Variants in CST2 observed in about 807,000 individuals in gnomAD.
CST2 encodes cystatin SA.
In CST2, 26 loss-of-function variants were observed where a neutral mutation model predicts 13.4. The observed-to-expected ratio is 1.95, with a 90% CI of 1.43 to 2.70. The LOEUF is 2.70. CST2 is among the 30% of genes most tolerant of loss of function. The probability of loss-of-function intolerance (pLI) is 0.00; values close to 1 mark genes in which losing one functional copy is unlikely to be tolerated. For missense variants in CST2, 243 were observed against 173.4 expected, an observed-to-expected ratio of 1.40 and a Z score of -2.25; for synonymous variants, 105 against 71.1, an observed-to-expected ratio of 1.48 and a Z score of -2.40.
rs1466376029 is a variant in CST2 at position 23,826,594 on chromosome 20, G to A, written c.67C>T (p.Pro23Ser). The change falls in exon 1 of 3, where the codon CCC becomes TCC. Residue 23 changes from proline to serine, a missense_variant. Pro to Ser is a moderately conservative substitution (Grantham distance 74, BLOSUM62 -1). Coordinates refer to ENST00000304725, the MANE Select transcript of CST2 (RefSeq NM_001322.3). Reference protein sequence around the residue: ...ATQAVALAWSPQEEDRIIEGG... With the variant: ...ATQAVALAWSSQEEDRIIEGG... ...TCGATTATCCTGTCCTCCTCCTGGG[G>A]GCTCCAGGCCAGGGCCACAGCCTGG... 4 of 1,613,582 alleles carry A rather than the reference G, an allele frequency of 2.5e-6. No homozygotes were observed. Among genetic ancestry groups the A allele is most frequent in the Non-Finnish European group, 2.5e-6 (3 of 1,179,928 alleles).
chr20:23,824,554 C>A (rs904256406), intron 2 of CST2, among the ~76,000 whole-genome samples: 16 of 152,118 alleles, frequency 1.1e-4, no homozygotes, highest in African/African-American at 3.6e-4. Context: ...TGTGGCTCTC[C>A]CCTGAGTGGA....
intron 2 of CST2, 119 bp from the exon 3 acceptor site, chr20:23,824,222 C>A: frequency 2.1e-6 from 2 of 973,968 alleles, no homozygotes; most frequent in Non-Finnish European, 1.6e-6. Flanking sequence ...GGGCCCTCAC[C>A]CACCCCTGCT....
intron 2 of CST2, among the ~76,000 whole-genome samples, chr20:23,824,342 C>T (rs1367122556): frequency 6.6e-6 from 1 of 152,158 alleles, no homozygotes. Context: ...AGTGTCCTGT[C>T]CCAGCACAGC....
chr20:23,826,489 C>T lies in CST2; in HGVS notation c.172G>A (p.Ala58Thr), dbSNP rs1441328691. The part of the protein sequence containing the change: ...LHFVISEYNK[A>T]TEDEYYRRLL... The stretch of plus-strand genomic sequence containing the variant: ...CGTCTGTAGTACTCATCTTCAGTGG[C>T]CTTGTTATACTCGCTGATGACAAAG... Residue 58 changes from alanine (A) to threonine (T), a missense_variant, in exon 1 of 3, where the codon GCC becomes ACC. Ala to Thr is a moderately conservative substitution (Grantham distance 58). Transcript: ENST00000304725. 4.3e-6 allele frequency: 7 copies of T among 1,614,046 alleles called. No individual in the cohort carries two copies. Among genetic ancestry groups the T allele is most frequent in the Admixed American group, 1.7e-5 (1 of 60,012 alleles).
Position 23,826,451 on chromosome 20 carries a change from C to T in CST2, c.210G>A (p.Val70=), listed in dbSNP as rs1296187556. Residue 70 remains valine (V), a synonymous_variant, in exon 1 of 3, where the codon GTG becomes GTA. Coordinates refer to ENST00000304725, the MANE Select transcript of CST2 (RefSeq NM_001322.3). ...EDEYYRRLLR[V]LRAREQIVGG... ...CACCCACCTGCTCCCTGGCTCGTAG[C>T]ACCCGCAGCAGGCGTCTGTAGTACT... 6.2e-6 allele frequency: 10 copies of T among 1,614,106 alleles called. No individual in the cohort carries two copies. Among genetic ancestry groups the T allele is most frequent in the Non-Finnish European group, 8.5e-6 (10 of 1,179,948 alleles).
chr20:23,823,801 G>GGT lies in CST2; in HGVS notation c.*217_*218dup. 1.8e-6 allele frequency: 1 copy of GGT among 567,216 alleles called. No individual in the cohort carries two copies. Among genetic ancestry groups the GGT allele is most frequent in the South Asian group, 2.2e-5 (1 of 44,618 alleles). The allele number at this position is 567,216 out of a possible 1,614,324, so 35.1% of individuals were successfully genotyped here. A position where few individuals can be genotyped will look rare whatever the true frequency, so the allele number is the denominator to read the frequency against. ...CTACTGTTTAATTGCAGGAGGTGGG[G>GGT]GTGTGTGTACCATGTACCAGGGCTA... On this transcript the variant is annotated 3_prime_UTR_variant, in exon 3 of 3. Transcript: ENST00000304725.
rs927784272 is a variant in CST2, at chr20:23,826,707, G to T, written c.-47C>A. 8.6e-6 allele frequency: 13 copies of T among 1,517,074 alleles called. No homozygotes were observed. The highest frequency in any genetic ancestry group is 1.2e-5 in the Non-Finnish European group (13 of 1,127,466). 94.0% of individuals were successfully genotyped at this position (1,517,074 alleles called of 1,614,324 possible). On this transcript the variant is annotated 5_prime_UTR_variant, in exon 1 of 3. Transcript: ENST00000304725. ...CAGAGCTGGAGCTGCAGGAGAGGAG[G>T]TTGAGAGCCTGAGGCGGGGATCCCA... is the stretch of plus-strand genomic sequence containing the variant.
Position 23,823,806 on chromosome 20 carries a change from G to C in CST2, c.*214C>G, listed in dbSNP as rs1052885223. On this transcript the variant is annotated 3_prime_UTR_variant, in exon 3 of 3. Coordinates refer to ENST00000304725, the MANE Select transcript of CST2 (RefSeq NM_001322.3). ...GTTTAATTGCAGGAGGTGGGGGTGT[G>C]TGTACCATGTACCAGGGCTATGAGA... 5 of 580,730 alleles carry C rather than the reference G, an allele frequency of 8.6e-6. No individual in the cohort carries two copies. The African/African-American group carries it at 9.4e-5, about 11-fold the overall frequency. The allele number at this position is 580,730 out of a possible 1,614,324, so 36.0% of individuals were successfully genotyped here.
chr20:23,824,173 A>T, intron 2 of CST2, 70 bp from the exon 3 acceptor site: 1 of 1,509,594 alleles, frequency 6.6e-7, no homozygotes, highest in South Asian at 1.1e-5. Context: ...CAGGCATGAG[A>T]TGTCACAGCC....
In CST2 at chr20:23,826,470, T is replaced by C; in HGVS notation, c.191A>G (p.Tyr64Cys). Residue 64 changes from tyrosine (Y) to cysteine (C), a missense_variant, in exon 1 of 3, where the codon TAC (tyrosine) becomes TGC (cysteine). Physicochemically the swap from Tyr to Cys is radical, Grantham distance 194 (BLOSUM62 -2). Coordinates refer to ENST00000304725, the MANE Select transcript of CST2 (RefSeq NM_001322.3). ...TCGTAGCACCCGCAGCAGGCGTCTG[T>C]AGTACTCATCTTCAGTGGCCTTGTT... The part of the protein sequence containing the change: ...EYNKATEDEY[Y>C]RRLLRVLRAR... The C allele has an allele frequency of 6.2e-7, 1 of 1,614,142 alleles. No homozygotes were observed. The highest frequency in any genetic ancestry group is 8.5e-7 in the Non-Finnish European group (1 of 1,179,982).
chr20:23,826,514 G>C lies in CST2; in HGVS notation c.147C>G (p.His49Gln). 1 of 1,614,172 alleles carries C rather than the reference G, an allele frequency of 6.2e-7. No individual in the cohort carries two copies. The highest frequency in any genetic ancestry group is 8.5e-7 in the Non-Finnish European group (1 of 1,180,008). Residue 49 changes from histidine to glutamine, a missense_variant, in exon 1 of 3, where the codon CAC (histidine) becomes CAG (glutamine). Physicochemically the swap from His to Gln is conservative, Grantham distance 24 (BLOSUM62 0). Coordinates refer to ENST00000304725, the MANE Select transcript of CST2 (RefSeq NM_001322.3). ...CCTTGTTATACTCGCTGATGACAAA[G>C]TGAAGGGCACGCTGTACCCGCTCAT... The part of the protein sequence containing the change: ...LNDERVQRAL[H>Q]FVISEYNKAT...
intron 1 of CST2, 43 bp downstream of exon 1, chr20:23,826,390 C>T (rs1284920073): frequency 6.4e-7 from 1 of 1,551,802 alleles, no homozygotes; most frequent in Non-Finnish European, 8.9e-7. Context: ...GGGCAACAAA[C>T]AAGGCTGGGA....
chr20:23,825,718 C>A (rs1168907370), intron 1 of CST2, among the ~76,000 whole-genome samples: 2 of 152,184 alleles, frequency 1.3e-5, no homozygotes, highest in African/African-American at 4.8e-5. Flanking sequence ...AAGCGGGGAC[C>A]ATGGCACCAG....
intron 2 of CST2, among the ~76,000 whole-genome samples, chr20:23,824,567 C>A (rs1282775883): frequency 6.6e-6 from 1 of 152,176 alleles, no homozygotes; most frequent in Non-Finnish European, 1.5e-5. Context: ...TGAGTGGAGA[C>A]CTCACAAGAA....
rs117895183 is a variant in CST2, at chr20:23,826,306, G to A, written c.228+127C>T. ...ATGAAGGCCATAAGCAGAGAGTCAG[G>A]GAAAGCTGAATGAATCTGAGCATTA... is the stretch of plus-strand genomic sequence containing the variant. On this transcript the variant is annotated intron_variant, in intron 1 of 2. Transcript: ENST00000304725. 192 of 796,302 alleles carry A rather than the reference G, an allele frequency of 2.4e-4. 1 individual carries two copies. In the East Asian group the frequency reaches 4.8e-3, roughly 20 times the overall value. 49.3% of individuals were successfully genotyped at this position (796,302 alleles called of 1,614,324 possible).
intron 1 of CST2, among the ~76,000 whole-genome samples, chr20:23,825,635 T>C (rs1911912367): frequency 6.6e-6 from 1 of 152,200 alleles, no homozygotes; most frequent in African/African-American, 2.4e-5. Context: ...AAAATAGGCG[T>C]CCGGGCCTGA....
rs574767907 is a variant in CST2, at chr20:23,826,530, A to T, written c.131T>A (p.Val44Glu). The T allele has an allele frequency of 2.5e-6, 4 of 1,614,042 alleles. No individual in the cohort carries two copies. In the African/African-American group the frequency reaches 5.3e-5, roughly 22 times the overall value. Reference protein sequence around the residue: ...IYDADLNDERVQRALHFVISE... With the variant: ...IYDADLNDEREQRALHFVISE... ...GATGACAAAGTGAAGGGCACGCTGTACCCGCTCATCATTGAGGTCTGCATC... is the reference window on the plus strand; with the variant it reads ...GATGACAAAGTGAAGGGCACGCTGTTCCCGCTCATCATTGAGGTCTGCATC... Residue 44 changes from valine (V) to glutamate (E), a missense_variant, in exon 1 of 3, where the codon GTA (valine) becomes GAA (glutamate). Transcript: ENST00000304725.
chr20:23,826,453 C>A lies in CST2; in HGVS notation c.208G>T (p.Val70Leu). 6.2e-7 allele frequency: 1 copy of A among 1,614,134 alleles called. No individual in the cohort carries two copies. The highest frequency in any genetic ancestry group is 8.5e-7 in the Non-Finnish European group (1 of 1,179,980). ...EDEYYRRLLR[V>L]LRAREQIVGG... ...CCCACCTGCTCCCTGGCTCGTAGCA[C>A]CCGCAGCAGGCGTCTGTAGTACTCA... The change falls in exon 1 of 3, where the codon GTG (valine) becomes TTG (leucine). Residue 70 changes from valine (V) to leucine (L), a missense_variant. Transcript: ENST00000304725.
intron 2 of CST2, among the ~76,000 whole-genome samples, chr20:23,824,489 G>A (rs1409642992): frequency 6.6e-6 from 1 of 152,160 alleles, no homozygotes; most frequent in Non-Finnish European, 1.5e-5. Context: ...AGAACCCAGA[G>A]CAGGGCAACT....
Sources: gnomAD v4.1 joint callset for allele counts (sites outside exome capture counted in the v4.1 genomes callset) on GRCh38, gnomAD v4.1.1 for gene constraint, MANE v1.5 for transcripts, NCBI Gene and HGNC (gene_info 2026-07-23, HGNC 2026-07-21) for gene names.